BBOX1: variants seen among roughly 807,000 people sequenced by gnomAD.
BBOX1 encodes gamma-butyrobetaine hydroxylase 1.
A neutral mutation model predicts 41.6 loss-of-function variants in BBOX1; 35 were observed. The observed-to-expected ratio is 0.84, with a 90% confidence interval of 0.64 to 1.11. BBOX1 has a LOEUF of 1.11. Among genes scored for constraint, BBOX1 ranks in the 50% most tolerant of loss-of-function variants. The pLI is 0.00. For missense variants in BBOX1, 458 were observed against 460.6 expected, an observed-to-expected ratio of 0.99 and a Z score of 0.05; for synonymous variants, 163 against 154.7, an observed-to-expected ratio of 1.05 and a Z score of -0.40.
chr11:27,082,887 T>C (rs1857899340), intron 4 of BBOX1, among the ~76,000 whole-genome samples: 2 of 152,154 alleles, frequency 1.3e-5, no homozygotes, highest in African/African-American at 2.4e-5. Flanking sequence ...ATACAGACTA[T>C]GTTAGTATTA....
chr11:27,063,162 G>A (rs11029819), intron 4 of BBOX1: 49,274 of 151,942 alleles, frequency 0.32, 8,150 homozygotes, highest in East Asian at 0.45. Flanking sequence ...GCAAGTTGCC[G>A]GCCATATTCT....
intron 4 of BBOX1, among the ~76,000 whole-genome samples, chr11:27,070,512 G>A (rs1262522967): frequency 1.3e-5 from 2 of 151,984 alleles, no homozygotes; most frequent in Non-Finnish European, 2.9e-5. Flanking sequence ...ATTGTATAAT[G>A]ACCCTCTTTC....
intron 4 of BBOX1, among the ~76,000 whole-genome samples, chr11:27,081,965 C>A (rs527341149): frequency 3.3e-5 from 5 of 151,820 alleles, no homozygotes; most frequent in Non-Finnish European, 7.4e-5. Context: ...AGCCCTTTTT[C>A]GGATGGATAG....
At chr11:27,115,320 C>A in intron 5 of BBOX1, 132 bp from the exon 6 acceptor site, 2 of 672,556 alleles carry the variant, frequency 3.0e-6, no homozygotes, top group South Asian at 4.1e-5. Flanking sequence ...CCTTGTCTCA[C>A]TCATAGTCAT....
intron 2 of BBOX1, among the ~76,000 whole-genome samples, chr11:27,045,557 G>T (rs1482682093): frequency 6.6e-6 from 1 of 152,108 alleles, no homozygotes; most frequent in Non-Finnish European, 1.5e-5. Context: ...TATGATATTG[G>T]CTGTGGGTTT....
At chr11:27,066,401 A>T (rs56240135) in intron 4 of BBOX1, 2 of 151,946 alleles carry the variant, frequency 1.3e-5, no homozygotes, top group East Asian at 1.9e-4. Context: ...CACATAAGGG[A>T]TAAATTTGTC....
chr11:27,060,772 C>T (rs1287315408), intron 4 of BBOX1, among the ~76,000 whole-genome samples: 2 of 152,182 alleles, frequency 1.3e-5, no homozygotes, highest in African/African-American at 4.8e-5. Flanking sequence ...TTTGGTTCCT[C>T]CATTTCTTTA....
chr11:27,084,055 G>T (rs1172123974), intron 4 of BBOX1, among the ~76,000 whole-genome samples: 1 of 152,202 alleles, frequency 6.6e-6, no homozygotes, highest in Non-Finnish European at 1.5e-5. Flanking sequence ...GAGACAGCAT[G>T]CTTGGCCAGC....
At chr11:27,125,522 A>C in intron 7 of BBOX1, 132 bp from the exon 8 acceptor site, 1 of 719,488 alleles carries the variant, frequency 1.4e-6, no homozygotes, top group Non-Finnish European at 2.1e-6. Flanking sequence ...AGGTAGCCTT[A>C]ATATCTTCTG....
At chr11:27,066,592 C>A (rs1216875232) in intron 4 of BBOX1, 2 of 147,374 alleles carry the variant, frequency 1.4e-5, no homozygotes, top group Non-Finnish European at 3.0e-5. Flanking sequence ...TAAATTTCTT[C>A]TTTTAGATTT....
intron 2 of BBOX1, among the ~76,000 whole-genome samples, chr11:27,045,502 T>C (rs1851463305): frequency 6.6e-6 from 1 of 151,318 alleles, no homozygotes; most frequent in Non-Finnish European, 1.5e-5. Flanking sequence ...ATCCTTGTCT[T>C]GTGCCAGTTT....
intron 5 of BBOX1, among the ~76,000 whole-genome samples, chr11:27,107,751 C>T (rs1195588014): frequency 2.0e-5 from 3 of 152,000 alleles, no homozygotes; most frequent in East Asian, 3.9e-4. Context: ...CAAGTACTAA[C>T]CAGGCCTAAT....
chr11:27,117,702 A>G (rs1859317376), intron 6 of BBOX1, among the ~76,000 whole-genome samples: 1 of 152,040 alleles, frequency 6.6e-6, no homozygotes, highest in Admixed American at 6.6e-5. Context: ...GCCTAAGGAA[A>G]AGTGACCAAA....
chr11:27,103,962 CTA>C, intron 5 of BBOX1, among the ~76,000 whole-genome samples: 1 of 152,246 alleles, frequency 6.6e-6, no homozygotes, highest in Non-Finnish European at 1.5e-5. Flanking sequence ...TGGTTTTAAG[CTA>C]TGTTTCAAAA....
chr11:27,048,202 A>ATTGTTTTATT (rs1851550527), intron 2 of BBOX1, among the ~76,000 whole-genome samples: 1 of 152,102 alleles, frequency 6.6e-6, no homozygotes. Flanking sequence ...TGTACATCGG[A>ATTGTTTTATT]TCTCCAGAAT....
At chr11:27,120,220 T>C (rs918486310) in intron 7 of BBOX1, among the ~76,000 whole-genome samples, 1 of 152,172 alleles carries the variant, frequency 6.6e-6, no homozygotes, top group Non-Finnish European at 1.5e-5. Flanking sequence ...TGGTCTCTTT[T>C]TTCTTCTTAG....
chr11:27,048,843 C>G (rs1307271302), intron 2 of BBOX1, among the ~76,000 whole-genome samples: 1 of 149,256 alleles, frequency 6.7e-6, no homozygotes, highest in Non-Finnish European at 1.5e-5. Context: ...GTGCGCTGCA[C>G]CCACTAACTC....
At chr11:27,046,055 C>A (rs1851477594) in intron 2 of BBOX1, among the ~76,000 whole-genome samples, 1 of 152,086 alleles carries the variant, frequency 6.6e-6, no homozygotes, top group Admixed American at 6.6e-5. Flanking sequence ...CAGTGTGAGC[C>A]TGGACAAATC....
chr11:27,114,350 C>A (rs980645311), intron 5 of BBOX1, among the ~76,000 whole-genome samples: 2 of 151,752 alleles, frequency 1.3e-5, no homozygotes, highest in South Asian at 4.2e-4. Flanking sequence ...ACAATCCCTA[C>A]CAATATTTCA....
Sources: allele counts gnomAD v4.1 joint callset (sites outside exome capture counted in the v4.1 genomes callset), GRCh38; gene constraint gnomAD v4.1.1; transcripts MANE v1.5; gene names NCBI Gene and HGNC (gene_info 2026-07-23, HGNC 2026-07-21).